The following AP2A2 variants were observed in gnomAD, a reference collection of about 807,000 sequenced individuals.
AP2A2 encodes the protein AP-2 complex subunit alpha-2.
A neutral mutation model predicts 104.2 loss-of-function variants in AP2A2; 32 were observed. The ratio of observed to expected loss-of-function variants is 0.31; its 90% CI spans 0.23 to 0.41. AP2A2 has a LOEUF of 0.41. Ranked by LOEUF, AP2A2 falls within the 10% of genes least tolerant of loss-of-function variation. AP2A2 has a pLI of 1.00. For synonymous variants in AP2A2, 539 were observed against 533.3 expected (o/e 1.01, Z -0.15); for missense variants, 912 against 1,261.0 (o/e 0.72, Z 4.19).
At chr11:944,522 TATC>T (rs1412559018) in intron 1 of AP2A2, among the ~76,000 whole-genome samples, 6 of 152,178 alleles carry the variant, frequency 3.9e-5, no homozygotes, top group South Asian at 4.1e-4. Flanking sequence ...AACAGAGAAA[TATC>T]ATTCTAGTGG....
intron 6 of AP2A2, among the ~76,000 whole-genome samples, 152 bp from the exon 7 acceptor site, chr11:984,493 G>A (rs762583329): frequency 3.3e-5 from 5 of 152,160 alleles, no homozygotes; most frequent in African/African-American, 4.8e-5. Flanking sequence ...AACCCAGGGG[G>A]TACCAAGCAG....
chr11:975,524 C>T (rs889308726), intron 4 of AP2A2, among the ~76,000 whole-genome samples: 8 of 141,428 alleles, frequency 5.7e-5, no homozygotes, highest in Non-Finnish European at 1.2e-4. Context: ...TCTTACGAGC[C>T]GACATTAGTG....
At chr11:980,097 A>G (rs1855190704) in intron 5 of AP2A2, among the ~76,000 whole-genome samples, 1 of 66,088 alleles carries the variant, frequency 1.5e-5, no homozygotes, top group African/African-American at 6.9e-5. Flanking sequence ...GAGCGGTGAC[A>G]GGCTGCCCGG....
At chr11:997,165 G>C (rs969138955) in intron 14 of AP2A2, among the ~76,000 whole-genome samples, 3 of 152,304 alleles carry the variant, frequency 2.0e-5, no homozygotes, top group Non-Finnish European at 4.4e-5. Context: ...GTGTCACATT[G>C]GCCAAAATGT....
chr11:994,482 A>C (rs1232279659), intron 14 of AP2A2, among the ~76,000 whole-genome samples: 2 of 145,792 alleles, frequency 1.4e-5, no homozygotes, highest in African/African-American at 5.2e-5. Context: ...CCCGGGGGCC[A>C]CTGTCCCTGC....
At chr11:975,882 G>T (rs979339171) in intron 4 of AP2A2, among the ~76,000 whole-genome samples, 1 of 152,160 alleles carries the variant, frequency 6.6e-6, no homozygotes, top group Non-Finnish European at 1.5e-5. Context: ...TGGGGCCCCC[G>T]TCCCCTTGGT....
chr11:952,465 C>A (rs1854085021), intron 1 of AP2A2, among the ~76,000 whole-genome samples: 1 of 152,204 alleles, frequency 6.6e-6, no homozygotes, highest in Admixed American at 6.5e-5. Flanking sequence ...TTTGCTACTT[C>A]ATGGAATGCA....
chr11:944,381 A>G (rs1853761553), intron 1 of AP2A2, among the ~76,000 whole-genome samples: 1 of 152,226 alleles, frequency 6.6e-6, no homozygotes, highest in Admixed American at 6.5e-5. Context: ...CTACAATGCC[A>G]GGCACTTCCC....
chr11:930,766 G>A (rs879797683), intron 1 of AP2A2, among the ~76,000 whole-genome samples: 2 of 152,050 alleles, frequency 1.3e-5, no homozygotes, highest in South Asian at 2.1e-4. Context: ...GTGATCCACC[G>A]GCCTCGGCCT....
chr11:981,117 T>G, intron 5 of AP2A2, 81 bp from the exon 6 acceptor site: 1 of 1,286,112 alleles, frequency 7.8e-7, no homozygotes. Flanking sequence ...GCTGGTTGGT[T>G]TAAGGTTTTC....
At chr11:955,064 G>A (rs1564791365) in intron 1 of AP2A2, among the ~76,000 whole-genome samples, 2 of 152,210 alleles carry the variant, frequency 1.3e-5, no homozygotes, top group Admixed American at 6.5e-5. Flanking sequence ...CCTCAGAGTG[G>A]TTTCTTTCCC....
In AP2A2 at chr11:993,807, C is replaced by T. The variant is rs11538726; in HGVS notation, c.1604C>T (p.Pro535Leu). The T allele has an allele frequency of 5.6e-6, 9 of 1,607,590 alleles. No homozygotes were observed. The highest frequency in any genetic ancestry group is 2.2e-5 in the East Asian group (1 of 44,790). The change falls in exon 13 of 22, where the codon CCC becomes CTC. Residue 535 changes from proline to leucine, a missense_variant. By Grantham distance (98) the Pro-to-Leu change is moderately conservative (BLOSUM62 -3). Around this residue, in one of 7 missense-constraint regions of AP2A2, gnomAD observed 137 missense variants for 186.9 expected, o/e 0.73. Transcript: ENST00000448903. This position sits in a 1 kb window ranked among gnomAD's most constrained non-coding sequence, Gnocchi z 8.2. ...LHSKFHLCSV[P>L]TRALLLSTYI... ...TCCAAGTTCCACCTGTGCAGCGTCC[C>T]CACCCGCGCGCTGCTCCTGTCCACC...
rs529906372 is a variant in AP2A2 at position 992,400 on chromosome 11, A to C, written c.1270-103A>C. On this transcript the variant is annotated intron_variant, in intron 10 of 21. Transcript: ENST00000448903. The surrounding 1 kb of genome is among the most constrained non-coding windows in gnomAD (Gnocchi z 6.4). ...CCATGTCCCAAACTTTTGTAGACAC[A>C]TTGAGGTGCTTCTGAAACTCTCACT... 2.5e-6 allele frequency: 3 copies of C among 1,223,470 alleles called. No individual in the cohort carries two copies. Among genetic ancestry groups the C allele is most frequent in the Non-Finnish European group, 3.5e-6 (3 of 855,468 alleles). The allele number at this position is 1,223,470 out of a possible 1,614,324, so 75.8% of individuals were successfully genotyped here. A position where few individuals can be genotyped will look rare whatever the true frequency, so the allele number is the denominator to read the frequency against.
chr11:1,011,628 C>T lies in AP2A2; in HGVS notation c.*1003C>T, dbSNP rs151266986. 1.6e-4 allele frequency: 64 copies of T among 389,892 alleles called. No individual in the cohort carries two copies. The highest frequency in any genetic ancestry group is 2.7e-4 in the Non-Finnish European group (52 of 193,668). The allele number at this position is 389,892 out of a possible 1,614,324, so 24.2% of individuals were successfully genotyped here. A position where few individuals can be genotyped will look rare whatever the true frequency, so the allele number is the denominator to read the frequency against. ...CACCTGAGAGGCGAGAGAGTGGGGC[C>T]GGCCTAGGAGCCAAGGCTGGGGCCT... is the stretch of plus-strand genomic sequence containing the variant. On this transcript the variant is annotated 3_prime_UTR_variant, in exon 22 of 22. Transcript: ENST00000448903.
intron 7 of AP2A2, 28 bp from the exon 8 acceptor site, chr11:985,407 G>T: frequency 6.2e-7 from 1 of 1,607,122 alleles, no homozygotes; most frequent in Non-Finnish European, 8.5e-7. Flanking sequence ...CTGGAGACTG[G>T]TGAGCACCGT....
At chr11:935,962 CA>C (rs1853445681) in intron 1 of AP2A2, among the ~76,000 whole-genome samples, 1 of 148,548 alleles carries the variant, frequency 6.7e-6, no homozygotes, top group Admixed American at 6.8e-5. Flanking sequence ...AGTGCAATGG[CA>C]CTATCTCGGC....
intron 1 of AP2A2, among the ~76,000 whole-genome samples, chr11:931,802 G>GTTTTT (rs138261185): frequency 4.0e-5 from 5 of 125,140 alleles, no homozygotes; most frequent in African/African-American, 1.2e-4. Flanking sequence ...TCCATTTCTT[G>GTTTTT]TTTTTTTTTT....
intron 1 of AP2A2, among the ~76,000 whole-genome samples, chr11:929,715 G>T (rs1235166787): frequency 6.6e-6 from 1 of 152,042 alleles, no homozygotes; most frequent in East Asian, 1.9e-4. Context: ...AGCATTGTCT[G>T]AGCCCTGGAG....
At chr11:928,598 T>A (rs6597971) in intron 1 of AP2A2, among the ~76,000 whole-genome samples, 84,527 of 152,154 alleles carry the variant, frequency 0.56, 24,680 homozygotes, top group Middle Eastern at 0.72. Flanking sequence ...GCAGCACCAG[T>A]TGCCTTAGTT....
Sources: allele counts gnomAD v4.1 joint callset (sites outside exome capture counted in the v4.1 genomes callset), GRCh38; gene constraint gnomAD v4.1.1; regional missense constraint gnomAD v4.1.1; non-coding constraint Gnocchi (gnomAD v3.1); transcripts MANE v1.5; gene names NCBI Gene and HGNC (gene_info 2026-07-23, HGNC 2026-07-21).